The following PUM3 variants were observed in gnomAD, a reference collection of about 807,000 sequenced individuals.
PUM3 encodes the protein pumilio homolog 3.
Under a neutral mutation model 84.0 loss-of-function variants are expected in PUM3, and 91 were observed. The observed-to-expected ratio is 1.08, with a 90% CI of 0.91 to 1.29. The LOEUF is 1.29. Ranked by LOEUF, PUM3 falls within the 50% of genes most tolerant of loss-of-function variation. The pLI is 0.00. For missense variants in PUM3, 1,067 were observed against 767.5 expected (o/e 1.39, Z -4.61); for synonymous variants, 321 against 266.7 (o/e 1.20, Z -1.98).
At chr9:2,837,088 G>A in intron 3 of PUM3, 92 bp downstream of exon 3, 1 of 1,062,190 alleles carries the variant, frequency 9.4e-7, no homozygotes, top group Non-Finnish European at 1.4e-6. Context: ...TACCTGCCAA[G>A]GAATAAGAAT....
At chr9:2,830,896 G>T in intron 7 of PUM3, 66 bp downstream of exon 7, 1 of 805,406 alleles carries the variant, frequency 1.2e-6, no homozygotes, top group Non-Finnish European at 2.1e-6. Context: ...TCGCATCTGA[G>T]CACAGTTGGA....
intron 7 of PUM3, among the ~76,000 whole-genome samples, chr9:2,830,464 G>A (rs1815946289): frequency 6.6e-6 from 1 of 152,124 alleles, no homozygotes; most frequent in Admixed American, 6.6e-5. Flanking sequence ...CCCTCTATCA[G>A]TTTACTCACC....
intron 17 of PUM3, among the ~76,000 whole-genome samples, chr9:2,807,466 G>C (rs1209123934): frequency 2.0e-5 from 3 of 151,310 alleles, no homozygotes; most frequent in African/African-American, 4.9e-5. Context: ...AGTTGGGTGT[G>C]GTGGCATGCG....
chr9:2,841,096 C>T (rs1395294101), intron 1 of PUM3, among the ~76,000 whole-genome samples: 6 of 152,198 alleles, frequency 3.9e-5, no homozygotes, highest in Non-Finnish European at 8.8e-5. Flanking sequence ...TCCTCTTGCT[C>T]ATTTGTAACT....
chr9:2,824,981 T>G (rs111652771), intron 10 of PUM3, among the ~76,000 whole-genome samples, 166 bp from the exon 11 acceptor site: 50 of 152,362 alleles, frequency 3.3e-4, no homozygotes, highest in African/African-American at 1.1e-3. Context: ...ACACGAGCTC[T>G]TTCTAGAAAT....
chr9:2,826,442 A>G (rs1002823865), intron 10 of PUM3, among the ~76,000 whole-genome samples: 3 of 151,472 alleles, frequency 2.0e-5, no homozygotes, highest in Non-Finnish European at 4.4e-5. Context: ...CAAAACTCCA[A>G]TGAATGTATA....
At chr9:2,818,826 C>T (rs191829252) in intron 13 of PUM3, among the ~76,000 whole-genome samples, 41 of 152,264 alleles carry the variant, frequency 2.7e-4, no homozygotes, top group African/African-American at 8.7e-4. Flanking sequence ...CTGGGACCTA[C>T]GGCTGGCATC....
intron 10 of PUM3, among the ~76,000 whole-genome samples, chr9:2,825,322 C>T (rs764762098): frequency 5.9e-5 from 9 of 152,142 alleles, no homozygotes; most frequent in Non-Finnish European, 1.2e-4. Context: ...CATAAACACG[C>T]TTACATAACA....
rs181751189 is a variant in PUM3 at position 2,822,270 on chromosome 9, A to T, written c.1188+1511T>A. ...TCAACTACTTTGATCTAATTGACAA[A>T]TATAGAATACCCCACCAAACAACTC... On this transcript the variant is annotated intron_variant, in intron 12 of 17. Coordinates refer to ENST00000397885, the MANE Select transcript of PUM3 (RefSeq NM_014878.5). Among the ~76,000 whole-genome samples, 295 of 152,288 alleles carry T rather than the reference A, an allele frequency of 1.9e-3. 2 individuals carry two copies. The highest frequency in any genetic ancestry group is 0.019 in the Admixed American group (283 of 15,292).
rs983956975 is a variant in PUM3, at chr9:2,820,136, T to C, written c.1189-38A>G. 8 of 1,276,146 alleles carry C rather than the reference T, an allele frequency of 6.3e-6. No homozygotes were observed. In the African/African-American group the frequency reaches 8.9e-5, roughly 14 times the overall value. 79.1% of individuals were successfully genotyped at this position (1,276,146 alleles called of 1,614,324 possible). ...GAAGCCAGCAAAGGTTAAAAACAAG[T>C]GCATAGATCTTCCCTCTTATTTCAC... On this transcript the variant is annotated intron_variant, in intron 12 of 17. Coordinates refer to ENST00000397885, the MANE Select transcript of PUM3 (RefSeq NM_014878.5).
intron 13 of PUM3, among the ~76,000 whole-genome samples, chr9:2,814,112 A>G (rs1000763500): frequency 6.6e-6 from 1 of 152,298 alleles, no homozygotes; most frequent in Admixed American, 6.5e-5. Context: ...AATGAACTTA[A>G]AATTTCAGTA....
intron 12 of PUM3, among the ~76,000 whole-genome samples, chr9:2,820,807 C>T (rs539335198): frequency 1.3e-5 from 2 of 152,216 alleles, no homozygotes; most frequent in East Asian, 3.9e-4. Context: ...ATGTGGCTTT[C>T]ACAACACTCA....
intron 5 of PUM3, 75 bp from the exon 6 acceptor site, chr9:2,831,419 C>A: frequency 1.1e-6 from 1 of 917,884 alleles, no homozygotes; most frequent in South Asian, 1.5e-5. Flanking sequence ...GTGACCTCTT[C>A]TGGAATTTCT....
intron 13 of PUM3, among the ~76,000 whole-genome samples, chr9:2,816,901 A>C (rs752385867): frequency 4.6e-5 from 7 of 152,264 alleles, no homozygotes; most frequent in Non-Finnish European, 1.0e-4. Flanking sequence ...TCAACTTGAC[A>C]TTTTGGGAAA....
chr9:2,804,774 T>TCTA (rs1341926183), intron 17 of PUM3, among the ~76,000 whole-genome samples: 3 of 152,208 alleles, frequency 2.0e-5, no homozygotes, highest in Non-Finnish European at 4.4e-5. Context: ...TTAAAATGAT[T>TCTA]CTACATGTAT....
At chr9:2,832,375 C>G (rs1473002391) in intron 5 of PUM3, among the ~76,000 whole-genome samples, 2 of 152,200 alleles carry the variant, frequency 1.3e-5, no homozygotes, top group Admixed American at 6.6e-5. Flanking sequence ...GAGGAAGAAT[C>G]TTACTTCCCT....
At chr9:2,826,540 T>C (rs955644082) in intron 10 of PUM3, among the ~76,000 whole-genome samples, 3 of 152,222 alleles carry the variant, frequency 2.0e-5, no homozygotes, top group African/African-American at 7.2e-5. Flanking sequence ...GAGCTCACTG[T>C]ATGATGAGGC....
At chr9:2,828,179 C>G (rs993095090) in intron 9 of PUM3, among the ~76,000 whole-genome samples, 1 of 152,140 alleles carries the variant, frequency 6.6e-6, no homozygotes, top group African/African-American at 2.4e-5. Flanking sequence ...GTAGCCAAGA[C>G]TATACACACA....
intron 1 of PUM3, among the ~76,000 whole-genome samples, chr9:2,842,034 TTTTCACTCCTG>T (rs1428321877): frequency 6.6e-6 from 1 of 152,112 alleles, no homozygotes; most frequent in African/African-American, 2.4e-5. Flanking sequence ...AATGATTAGG[TTTTCACTCCTG>T]TTTTGTCTTT....
Sources: allele counts gnomAD v4.1 joint callset (sites outside exome capture counted in the v4.1 genomes callset), GRCh38; gene constraint gnomAD v4.1.1; transcripts MANE v1.5; gene names NCBI Gene and HGNC (gene_info 2026-07-23, HGNC 2026-07-21).